SSC5D: variants seen among roughly 807,000 people sequenced by gnomAD.
SSC5D encodes scavenger receptor cysteine rich family member with 5 domains.
In SSC5D, 106 loss-of-function variants were observed where a neutral mutation model predicts 104.6. That is an observed-to-expected ratio of 1.01 (90% CI 0.87 to 1.19). The LOEUF (loss-of-function observed/expected upper bound fraction) is 1.19, where lower values mean the gene tolerates loss of function less well. Ranked by LOEUF, SSC5D falls within the 50% of genes most tolerant of loss-of-function variation. SSC5D has a pLI of 0.00. For synonymous variants in SSC5D, 860 were observed against 883.5 expected (o/e 0.97, Z 0.47); for missense variants, 1,993 against 2,153.8 (o/e 0.93, Z 1.48).
rs536155647 is a variant in SSC5D at position 55,517,272 on chromosome 19, C to A, written c.2996C>A (p.Ala999Glu). ...GAGCGCCGGCCACCGCGGCCCGCTG[C>A]GACCAGGACAGCGCCCCCAACCCCG... is the stretch of plus-strand genomic sequence containing the variant. ...WPERRPPRPAATRTAPPTPSP... is the reference protein window; with the variant it reads ...WPERRPPRPAETRTAPPTPSP... The change falls in exon 14 of 14, where the codon GCG (alanine) becomes GAG (glutamate). Residue 999 changes from alanine (A) to glutamate (E), a missense_variant. Physicochemically the swap from Ala to Glu is moderately radical, Grantham distance 107. Coordinates refer to ENST00000389623, the MANE Select transcript of SSC5D (RefSeq NM_001144950.2). 2 of 1,545,902 alleles carry A rather than the reference C, an allele frequency of 1.3e-6. No homozygotes were observed. The highest frequency in any genetic ancestry group is 3.9e-5 in the Admixed American group (2 of 50,916).
rs1987380789 is a variant in SSC5D at position 55,498,216 on chromosome 19, T to C, written c.1705+19T>C. ...TGCACTGGTAAGGAGGCCCTAGCTATCTGTTGACTCCAGGAGGGCTTCCTG... is the reference window on the plus strand; with the variant it reads ...TGCACTGGTAAGGAGGCCCTAGCTACCTGTTGACTCCAGGAGGGCTTCCTG... On this transcript the variant is annotated intron_variant, in intron 9 of 13. Coordinates refer to ENST00000389623, the MANE Select transcript of SSC5D (RefSeq NM_001144950.2). 1.3e-6 allele frequency: 2 copies of C among 1,551,360 alleles called. No individual in the cohort carries two copies. Among genetic ancestry groups the C allele is most frequent in the African/African-American group, 1.4e-5 (1 of 73,150 alleles).
intron 12 of SSC5D, among the ~76,000 whole-genome samples, chr19:55,507,062 G>A (rs1348866801): frequency 6.6e-6 from 1 of 151,884 alleles, no homozygotes; most frequent in Non-Finnish European, 1.5e-5. Flanking sequence ...CCAGCTCCTC[G>A]GGAGGCTGAG....
intron 13 of SSC5D, among the ~76,000 whole-genome samples, chr19:55,514,729 A>G (rs1987833811): frequency 2.6e-5 from 4 of 152,288 alleles, no homozygotes; most frequent in African/African-American, 9.6e-5. Context: ...TGAGGCACAG[A>G]CATCAGTGAC....
In SSC5D at chr19:55,489,057, T is replaced by TGGGGGGGGGGGGGGGGGGGGGGGGGG; in HGVS notation, c.52+26_52+27insGGGGGGGGGGGGGGGGGGGGGGGGGG. ...GGTAAGTGCCCAGACTCCTCCCATC[T>TGGGGGGGGGGGGGGGGGGGGGGGGGG]GCCCGCCCCCCCCCCCAGGCCTCCC... On this transcript the variant is annotated intron_variant, in intron 2 of 13. Transcript: ENST00000389623. The TGGGGGGGGGGGGGGGGGGGGGGGGGG allele has an allele frequency of 4.0e-6, 5 of 1,247,974 alleles. No homozygotes were observed. In the East Asian group the frequency reaches 1.5e-4, roughly 36 times the overall value. 77.3% of individuals were successfully genotyped at this position (1,247,974 alleles called of 1,614,324 possible).
chr19:55,494,202 C>T (rs919561033), intron 7 of SSC5D, among the ~76,000 whole-genome samples: 7 of 152,032 alleles, frequency 4.6e-5, no homozygotes, highest in Non-Finnish European at 1.0e-4. Context: ...AGGGGTGTTG[C>T]TTAGGATCCT....
intron 8 of SSC5D, among the ~76,000 whole-genome samples, chr19:55,496,057 G>GT (rs1259276303): frequency 2.0e-5 from 3 of 152,038 alleles, no homozygotes; most frequent in Non-Finnish European, 4.4e-5. Flanking sequence ...TCTTTCTTGT[G>GT]TTTTTTGCAG....
intron 7 of SSC5D, 82 bp downstream of exon 7, chr19:55,493,994 G>GGGGGGGGGGGGGGGGGGGC: frequency 2.1e-5 from 3 of 143,314 alleles, no homozygotes; most frequent in South Asian, 7.8e-5. Context: ...GGGCGGGGGG[G>GGGGGGGGGGGGGGGGGGGC]TCCCTACGCG....
chr19:55,510,021 A>G (rs187486493), intron 12 of SSC5D, among the ~76,000 whole-genome samples: 75 of 151,604 alleles, frequency 4.9e-4, no homozygotes, highest in African/African-American at 1.8e-3. Flanking sequence ...TTTTTGTGAC[A>G]GGGTCTTGCT....
intron 13 of SSC5D, among the ~76,000 whole-genome samples, chr19:55,514,406 AAAT>A (rs55837985): frequency 0.1 from 10,207 of 99,352 alleles, 587 homozygotes; most frequent in South Asian, 0.15. Flanking sequence ...CTCTGTCTCA[AAAT>A]AATAATAATA....
chr19:55,497,895 G>A lies in SSC5D; in HGVS notation c.1403G>A (p.Arg468His), dbSNP rs1293538501. The A allele has an allele frequency of 1.9e-5, 30 of 1,539,690 alleles. No homozygotes were observed. Among genetic ancestry groups the A allele is most frequent in the Non-Finnish European group, 2.3e-5 (26 of 1,137,822 alleles). Residue 468 changes from arginine to histidine, a missense_variant, in exon 9 of 14, where the codon CGC becomes CAC. By Grantham distance (29) the Arg-to-His change is conservative (BLOSUM62 0). This residue lies in a region of SSC5D where 1,101 missense variants were observed against 1,085.0 expected (regional missense o/e 1.01). Transcript: ENST00000389623. ...TCTACCCCAGGGTCCCCCCAGCTGC[G>A]CCTGGTGGCTGGGCCCAGCAAGTGC... ...PGPEAGSPQL[R>H]LVAGPSKCSG...
intron 5 of SSC5D, 27 bp downstream of exon 5, chr19:55,490,435 C>CCCAATCAA: frequency 1.4e-6 from 1 of 729,188 alleles, no homozygotes; most frequent in East Asian, 2.9e-5. Flanking sequence ...CTCCCCCGAC[C>CCCAATCAA]CCAAGGCTGG....
chr19:55,516,269 G>A lies in SSC5D; in HGVS notation c.2948-955G>A, dbSNP rs551507452. Among the ~76,000 whole-genome samples the A allele has an allele frequency of 2.2e-4, 34 of 152,144 alleles. 1 individual carries two copies. Among genetic ancestry groups the A allele is most frequent in the African/African-American group, 7.0e-4 (29 of 41,514 alleles). On this transcript the variant is annotated intron_variant, in intron 13 of 13. Transcript: ENST00000389623. ...TCCCAGCACTTTGGGAGGCCCAGGC[G>A]GGCGGATCACGAGGTCAGGAGATCG...
rs111966419 is a variant in SSC5D, at chr19:55,494,300, C to G, written c.1214-310C>G. Among the ~76,000 whole-genome samples, 712 of 152,302 alleles carry G rather than the reference C, an allele frequency of 4.7e-3. 3 individuals are homozygous for G. The highest frequency in any genetic ancestry group is 0.014 in the Middle Eastern group (4 of 294). ...GATGAGCCTCAGCCCCGTGGCAGCC[C>G]TGGCTGGCCCTGCCTCCTGGCCCCC... On this transcript the variant is annotated intron_variant, in intron 7 of 13. Transcript: ENST00000389623.
At position 55,493,674 on chromosome 19, in the gene SSC5D, G is replaced by A. The variant is rs1430328933; in HGVS notation, c.975G>A (p.Trp325Ter). 4 of 1,508,878 alleles carry A rather than the reference G, an allele frequency of 2.7e-6. No homozygotes were observed. Among genetic ancestry groups the A allele is most frequent in the East Asian group, 2.6e-5 (1 of 38,860 alleles). The allele number at this position is 1,508,878 out of a possible 1,614,324, so 93.5% of individuals were successfully genotyped here. A position where few individuals can be genotyped will look rare whatever the true frequency, so the allele number is the denominator to read the frequency against. ...GRLEVWHGGR[W>*]GSVCDDAWDL... ...TGGAGGTCTGGCACGGGGGTCGCTG[G>A]GGGTCGGTGTGTGACGACGCCTGGG... is the stretch of plus-strand genomic sequence containing the variant. The change falls in exon 7 of 14, where the codon TGG becomes TGA. Residue 325 changes from tryptophan to a stop codon, truncating the protein, a stop_gained. Transcript: ENST00000389623. LOFTEE classifies it high-confidence loss of function.
At chr19:55,502,897 C>A (rs1987543096) in intron 12 of SSC5D, among the ~76,000 whole-genome samples, 1 of 151,984 alleles carries the variant, frequency 6.6e-6, no homozygotes, top group Admixed American at 6.6e-5. Context: ...CTCACTGCAA[C>A]CTCCACCTCC....
rs542866671 is a variant in SSC5D at position 55,493,210 on chromosome 19, C to T, written c.896-385C>T. Among the ~76,000 whole-genome samples, 4 of 152,248 alleles carry T rather than the reference C, an allele frequency of 2.6e-5. No individual in the cohort carries two copies. The South Asian group carries it at 8.3e-4, about 32-fold the overall frequency. ...TGTCGCAGCTAGGGGGAGGGGTTGCCACTGGCATGTGGTGGGTAGAGGATG... is the reference window on the plus strand; with the variant it reads ...TGTCGCAGCTAGGGGGAGGGGTTGCTACTGGCATGTGGTGGGTAGAGGATG... On this transcript the variant is annotated intron_variant, in intron 6 of 13. Coordinates refer to ENST00000389623, the MANE Select transcript of SSC5D (RefSeq NM_001144950.2).
chr19:55,497,882 TC>T lies in SSC5D; in HGVS notation c.1396del (p.Gln466SerfsTer67). ...TCTTTGGGTCTCTTCTACCCCAGGG[TC>T]CCCCCAGCTGCGCCTGGTGGCTGGG... Reference protein sequence around the residue: ...VLWEPGPEAGSPQLRLVAGPS... With the variant: ...VLWEPGPEAGXPQLRLVAGPS... On this transcript the variant is annotated frameshift_variant, in exon 9 of 14. Transcript: ENST00000389623. LOFTEE classifies it high-confidence loss of function. 1.3e-6 allele frequency: 2 copies of T among 1,530,602 alleles called. No homozygotes were observed. Among genetic ancestry groups the T allele is most frequent in the South Asian group, 1.2e-5 (1 of 82,482 alleles). 94.8% of individuals were successfully genotyped at this position (1,530,602 alleles called of 1,614,324 possible).
chr19:55,498,682 AATGGAATGAAC>A (rs1343462362), intron 9 of SSC5D, among the ~76,000 whole-genome samples: 4 of 152,212 alleles, frequency 2.6e-5, no homozygotes, highest in Non-Finnish European at 5.9e-5. Context: ...TGGGCTCATG[AATGGAATGAAC>A]ATGGTCTTGG....
rs1987374836 is a variant in SSC5D, at chr19:55,498,113, G to T, written c.1621G>T (p.Glu541Ter). 3 of 1,551,578 alleles carry T rather than the reference G, an allele frequency of 1.9e-6. No homozygotes were observed. The African/African-American group carries it at 4.1e-5, about 21-fold the overall frequency. ...AGATGATGTGGGCTGTGTGGGGACCGAGGCTTCACTGTCCGACTGCCCTGC... is the reference window on the plus strand; with the variant it reads ...AGATGATGTGGGCTGTGTGGGGACCTAGGCTTCACTGTCCGACTGCCCTGC... The part of the protein sequence containing the change: ...WLDDVGCVGT[E>*]ASLSDCPAAP... Residue 541 changes from glutamate (E) to a stop codon, truncating the protein, a stop_gained, in exon 9 of 14, where the codon GAG (glutamate) becomes TAG (stop). Transcript: ENST00000389623. LOFTEE classifies it high-confidence loss of function.
Sources: gnomAD v4.1 joint callset for allele counts (sites outside exome capture counted in the v4.1 genomes callset) on GRCh38, gnomAD v4.1.1 for gene constraint, gnomAD v4.1.1 regional missense constraint, MANE v1.5 for transcripts, NCBI Gene and HGNC (gene_info 2026-07-23, HGNC 2026-07-21) for gene names.